The following CCDC171 variants were observed in gnomAD, a reference collection of about 807,000 sequenced individuals.
CCDC171 encodes coiled-coil domain containing 171, also known as coiled-coil domain-containing protein 171.
CCDC171 carries 177 observed loss-of-function variants against 168.2 expected under a neutral mutation model. The ratio of observed to expected loss-of-function variants is 1.05; its 90% CI spans 0.93 to 1.19. The LOEUF (loss-of-function observed/expected upper bound fraction) is 1.19, where lower values mean the gene tolerates loss of function less well. Ranked by LOEUF, CCDC171 falls within the 50% of genes most tolerant of loss-of-function variation. The probability of loss-of-function intolerance (pLI) is 0.00; values close to 1 mark genes in which losing one functional copy is unlikely to be tolerated. For missense variants in CCDC171, 1,991 were observed against 1,539.0 expected (o/e 1.29, Z -4.91); for synonymous variants, 687 against 540.8 (o/e 1.27, Z -3.75).
intron 21 of CCDC171, among the ~76,000 whole-genome samples, chr9:15,828,292 A>C (rs2060096288): frequency 6.6e-6 from 1 of 151,394 alleles, no homozygotes; most frequent in Admixed American, 6.6e-5. Context: ...AATGTAGGAA[A>C]GATCTAAATT....
chr9:15,588,880 T>G (rs2041784220), intron 4 of CCDC171, among the ~76,000 whole-genome samples: 1 of 151,424 alleles, frequency 6.6e-6, no homozygotes. Context: ...GCTAATTTTT[T>G]GTATTTGTTT....
the CCDC171 span, among the ~76,000 whole-genome samples, chr9:16,081,109 C>T: frequency 1.9e-4 from 29 of 152,302 alleles, no homozygotes; most frequent in East Asian, 5.4e-3. Context: ...AAAGTTCAGA[C>T]ACGCCATCAG....
chr9:15,563,910 A>G (rs1352651026), intron 1 of CCDC171, 68 bp from the exon 2 acceptor site: 2 of 563,178 alleles, frequency 3.6e-6, no homozygotes, highest in Non-Finnish European at 6.2e-6. Context: ...AAATAAACCA[A>G]AAAACAAGAA....
intron 4 of CCDC171, among the ~76,000 whole-genome samples, chr9:15,586,345 A>G (rs2041556466): frequency 6.6e-6 from 1 of 152,234 alleles, no homozygotes; most frequent in Non-Finnish European, 1.5e-5. Flanking sequence ...GGTAGTGTAA[A>G]AAGCCTAATG....
intron 6 of CCDC171, among the ~76,000 whole-genome samples, chr9:16,023,940 T>A (rs1222593006): frequency 6.7e-6 from 1 of 149,376 alleles, no homozygotes; most frequent in Non-Finnish European, 1.5e-5. Flanking sequence ...ATGGGGAGAT[T>A]ATCCTGGAAT....
In CCDC171 at chr9:15,625,571, G is replaced by A. The variant is rs550688430; in HGVS notation, c.822+2158G>A. On this transcript the variant is annotated intron_variant, in intron 7 of 25. Coordinates refer to ENST00000380701, the MANE Select transcript of CCDC171 (RefSeq NM_173550.4). ...TTTCCCAGCACCATTTATTAAAGAG[G>A]GAGTCCTTTCCCCATTTCTTGTTTT... Among the ~76,000 whole-genome samples, 7 of 152,264 alleles carry A rather than the reference G, an allele frequency of 4.6e-5. No individual in the cohort carries two copies. The East Asian group carries it at 1.4e-3, about 29-fold the overall frequency.
intron 15 of CCDC171, among the ~76,000 whole-genome samples, chr9:15,728,844 G>A (rs560016690): frequency 5.3e-5 from 8 of 151,810 alleles, no homozygotes; most frequent in South Asian, 4.2e-4. Context: ...AAACTGTCCC[G>A]TAAGTTAAAA....
chr9:15,847,373 T>C (rs1316645675), intron 22 of CCDC171, among the ~76,000 whole-genome samples: 1 of 152,098 alleles, frequency 6.6e-6, no homozygotes, highest in African/African-American at 2.4e-5. Flanking sequence ...TATATTCTAA[T>C]ATTTTAAGTA....
chr9:15,907,654 AG>A (rs1822898734), intron 24 of CCDC171, among the ~76,000 whole-genome samples: 2 of 152,246 alleles, frequency 1.3e-5, no homozygotes, highest in South Asian at 2.1e-4. Flanking sequence ...CAAAATTGAC[AG>A]ATGGGATCTA....
At chr9:15,701,699 G>C (rs1011062265) in intron 11 of CCDC171, among the ~76,000 whole-genome samples, 1 of 151,294 alleles carries the variant, frequency 6.6e-6, no homozygotes, top group Non-Finnish European at 1.5e-5. Flanking sequence ...TTAAAATTGA[G>C]GTCAATTGTC....
At chr9:16,007,479 T>G (rs1255425681) in intron 3 of CCDC171, among the ~76,000 whole-genome samples, 1 of 152,218 alleles carries the variant, frequency 6.6e-6, no homozygotes, top group Non-Finnish European at 1.5e-5. Flanking sequence ...GCCATTGCTT[T>G]TGGTGTTTTA....
chr9:15,996,571 G>A (rs1384791359), intron 3 of CCDC171, among the ~76,000 whole-genome samples: 2 of 151,680 alleles, frequency 1.3e-5, no homozygotes, highest in Non-Finnish European at 2.9e-5. Context: ...TTTGGATTTT[G>A]GAGTATTTAA....
intron 21 of CCDC171, among the ~76,000 whole-genome samples, chr9:15,801,459 T>G (rs2058816856): frequency 6.6e-6 from 1 of 152,152 alleles, no homozygotes; most frequent in African/African-American, 2.4e-5. Context: ...TTTTGAATGC[T>G]GATTTTGTAT....
At chr9:15,895,634 G>T (rs1044567778) in intron 24 of CCDC171, among the ~76,000 whole-genome samples, 1 of 152,092 alleles carries the variant, frequency 6.6e-6, no homozygotes, top group Non-Finnish European at 1.5e-5. Context: ...AGAAGGTGCT[G>T]AAGAAATGAT....
In CCDC171 at chr9:15,768,115, G is replaced by A. The variant is rs934084946; in HGVS notation, c.2672-9485G>A. On this transcript the variant is annotated intron_variant, in intron 18 of 25. Transcript: ENST00000380701. ...CTTTATTTACCATCTATGTGCTGATGGCTCCCAAATATTATCTGTAACCTA... is the reference window on the plus strand; with the variant it reads ...CTTTATTTACCATCTATGTGCTGATAGCTCCCAAATATTATCTGTAACCTA... Among the ~76,000 whole-genome samples the A allele has an allele frequency of 7.1e-4, 106 of 150,078 alleles. 1 individual carries two copies. The highest frequency in any genetic ancestry group is 2.4e-3 in the African/African-American group (97 of 40,866).
At chr9:15,982,762 AT>A (rs763425134) in intron 3 of CCDC171, among the ~76,000 whole-genome samples, 13 of 151,668 alleles carry the variant, frequency 8.6e-5, no homozygotes, top group Non-Finnish European at 1.6e-4. Flanking sequence ...GACTCACTTA[AT>A]TTTCCAGTTT....
intron 21 of CCDC171, among the ~76,000 whole-genome samples, chr9:15,803,706 G>C (rs2058938158): frequency 6.6e-6 from 1 of 151,858 alleles, no homozygotes; most frequent in South Asian, 2.1e-4. Context: ...GATACCTCCA[G>C]TTTTCTTTTT....
In CCDC171 at chr9:15,579,079, C is replaced by G. The variant is rs146823630; in HGVS notation, c.352+56C>G. On this transcript the variant is annotated intron_variant, in intron 4 of 25. Coordinates refer to ENST00000380701, the MANE Select transcript of CCDC171 (RefSeq NM_173550.4). ...AGGGTTGTAACCTGATTGTATATCA[C>G]TCCTCGCTGTTGTGTGTACATCCCA... is the stretch of plus-strand genomic sequence containing the variant. The G allele has an allele frequency of 3.8e-3, 5,246 of 1,392,634 alleles. 22 individuals are homozygous for G. Among genetic ancestry groups the G allele is most frequent in the Non-Finnish European group, 5.0e-3 (5,005 of 997,160 alleles). 86.3% of individuals were successfully genotyped at this position (1,392,634 alleles called of 1,614,324 possible).
At chr9:15,750,136 T>C (rs1564342063) in intron 18 of CCDC171, among the ~76,000 whole-genome samples, 1 of 151,668 alleles carries the variant, frequency 6.6e-6, no homozygotes, top group Non-Finnish European at 1.5e-5. Flanking sequence ...ACAAAGGGGA[T>C]ATCACCACTG....
Sources: gnomAD v4.1 joint callset for allele counts (sites outside exome capture counted in the v4.1 genomes callset) on GRCh38, gnomAD v4.1.1 for gene constraint, MANE v1.5 for transcripts, NCBI Gene and HGNC (gene_info 2026-07-23, HGNC 2026-07-21) for gene names.